MAML2: variants seen among roughly 807,000 people sequenced by gnomAD.
MAML2 encodes the protein mastermind like transcriptional coactivator 2, also known as mastermind-like protein 2.
A neutral mutation model predicts 96.1 loss-of-function variants in MAML2; 22 were observed. The observed-to-expected ratio is 0.23, with a 90% CI of 0.16 to 0.33. The LOEUF (loss-of-function observed/expected upper bound fraction) is 0.33. MAML2 is among the 10% of genes least tolerant of loss of function. The probability of loss-of-function intolerance (pLI) is 1.00; values close to 1 mark genes in which losing one functional copy is unlikely to be tolerated. For missense variants in MAML2, 1,367 were observed against 1,392.4 expected, an observed-to-expected ratio of 0.98 and a Z score of 0.29; for synonymous variants, 561 against 521.3, an observed-to-expected ratio of 1.08 and a Z score of -1.04.
At chr11:96,276,375 A>G (rs1862987977) in intron 1 of MAML2, among the ~76,000 whole-genome samples, 1 of 152,178 alleles carries the variant, frequency 6.6e-6, no homozygotes, top group African/African-American at 2.4e-5. Context: ...GCCTATAGAG[A>G]GGACAGGAAG....
At chr11:96,140,442 C>T (rs1860712413) in intron 1 of MAML2, among the ~76,000 whole-genome samples, 1 of 152,088 alleles carries the variant, frequency 6.6e-6, no homozygotes, top group Non-Finnish European at 1.5e-5. Flanking sequence ...GCCCTTCTGC[C>T]CAACATGAAC....
intron 1 of MAML2, among the ~76,000 whole-genome samples, chr11:96,200,169 C>T (rs918164187): frequency 6.6e-6 from 1 of 152,132 alleles, no homozygotes; most frequent in African/African-American, 2.4e-5. Context: ...GAAAGATTAG[C>T]CACAATAAAA....
intron 2 of MAML2, among the ~76,000 whole-genome samples, chr11:96,008,161 T>C (rs1024363315): frequency 5.9e-5 from 9 of 152,256 alleles, no homozygotes; most frequent in African/African-American, 2.2e-4. Context: ...ATTAAAACCT[T>C]GAATGTAAAT....
At chr11:96,192,259 C>A (rs1245859579) in intron 1 of MAML2, among the ~76,000 whole-genome samples, 1 of 152,164 alleles carries the variant, frequency 6.6e-6, no homozygotes, top group Non-Finnish European at 1.5e-5. Context: ...GGGAAGAATG[C>A]GATTTGCTCT....
intron 2 of MAML2, among the ~76,000 whole-genome samples, chr11:96,075,170 T>G (rs543207943): frequency 6.6e-6 from 1 of 152,302 alleles, no homozygotes; most frequent in South Asian, 2.1e-4. Flanking sequence ...ATATTTCATG[T>G]TTTCCTCCTG....
intron 1 of MAML2, among the ~76,000 whole-genome samples, chr11:96,141,762 G>A (rs1236647130): frequency 6.6e-6 from 1 of 152,230 alleles, no homozygotes; most frequent in Non-Finnish European, 1.5e-5. Context: ...GGAATCAGGA[G>A]TTTCTGTATC....
intron 1 of MAML2, among the ~76,000 whole-genome samples, chr11:96,202,489 AAT>A (rs1424289097): frequency 6.6e-6 from 1 of 152,210 alleles, no homozygotes; most frequent in Non-Finnish European, 1.5e-5. Flanking sequence ...TAATTGCTTC[AAT>A]ATAATTCTTC....
At chr11:96,224,490 C>T (rs1389235223) in intron 1 of MAML2, among the ~76,000 whole-genome samples, 1 of 152,196 alleles carries the variant, frequency 6.6e-6, no homozygotes, top group Non-Finnish European at 1.5e-5. Context: ...TGTTCTTCTT[C>T]CAAGGCCCAA....
rs1055208005 is a variant in MAML2 at position 96,252,057 on chromosome 11, G to T, written c.513+89326C>A. Among the ~76,000 whole-genome samples the T allele has an allele frequency of 2.6e-5, 4 of 152,064 alleles. No homozygotes were observed. The South Asian group carries it at 8.3e-4, about 32-fold the overall frequency. On this transcript the variant is annotated intron_variant, in intron 1 of 4. Coordinates refer to ENST00000524717, the MANE Select transcript of MAML2 (RefSeq NM_032427.4). ...AATACAAACCCTTTCAACACCAGAC[G>T]GAGTAGCAAAGACACTCCTGGTTGT...
At chr11:96,099,974 G>T (rs1381404883) in intron 1 of MAML2, among the ~76,000 whole-genome samples, 6 of 152,112 alleles carry the variant, frequency 3.9e-5, no homozygotes. Context: ...CTGAAGTCAC[G>T]AGAATGTGAA....
chr11:96,156,615 A>G lies in MAML2; in HGVS notation c.514-63098T>C, dbSNP rs187871532. Among the ~76,000 whole-genome samples the G allele has an allele frequency of 2.6e-3, 391 of 152,266 alleles. 6 individuals carry two copies. The highest frequency in any genetic ancestry group is 0.018 in the Admixed American group (276 of 15,312). Reference sequence around the variant, plus strand: ...AGCCTTTCATGCTTCATTTTTTCCAACTAGAAAAACAAGGATACTTTTCAG... The same window carrying G: ...AGCCTTTCATGCTTCATTTTTTCCAGCTAGAAAAACAAGGATACTTTTCAG... On this transcript the variant is annotated intron_variant, in intron 1 of 4. Transcript: ENST00000524717.
At chr11:96,173,106 C>T (rs189270831) in intron 1 of MAML2, among the ~76,000 whole-genome samples, 5 of 152,316 alleles carry the variant, frequency 3.3e-5, no homozygotes, top group Admixed American at 3.3e-4. Context: ...CATACTACTC[C>T]TCTTTCCCTT....
intron 2 of MAML2, among the ~76,000 whole-genome samples, chr11:96,031,858 C>T (rs1224558053): frequency 6.6e-6 from 1 of 152,028 alleles, no homozygotes; most frequent in African/African-American, 2.4e-5. Context: ...TGGTGGTGGA[C>T]ACCTGTAGTC....
chr11:95,984,803 C>T (rs1351343550), intron 4 of MAML2, among the ~76,000 whole-genome samples: 1 of 152,100 alleles, frequency 6.6e-6, no homozygotes, highest in Non-Finnish European at 1.5e-5. Context: ...AACCCAAGAG[C>T]GTAAACTTAA....
chr11:96,032,825 A>T lies in MAML2; in HGVS notation c.2140-41102T>A, dbSNP rs528134824. On this transcript the variant is annotated intron_variant, in intron 2 of 4. Transcript: ENST00000524717. ...GTATATACTGTCTGATCCCATTTAA[A>T]CAAAATTCTGTACAACACTACAGGG... Among the ~76,000 whole-genome samples the T allele has an allele frequency of 1.6e-4, 25 of 152,334 alleles. No homozygotes were observed. In the South Asian group the frequency reaches 4.6e-3, roughly 28 times the overall value.
chr11:96,331,798 A>G (rs1338367312), intron 1 of MAML2, among the ~76,000 whole-genome samples: 1 of 150,686 alleles, frequency 6.6e-6, no homozygotes, highest in Non-Finnish European at 1.5e-5. Flanking sequence ...AGCGTGGGCG[A>G]AAGAGTGAGA....
At chr11:96,103,606 T>G (rs1030031808) in intron 1 of MAML2, among the ~76,000 whole-genome samples, 4 of 152,198 alleles carry the variant, frequency 2.6e-5, no homozygotes, top group Non-Finnish European at 5.9e-5. Context: ...CATGGCAGCA[T>G]TTCTCCCTTC....
intron 1 of MAML2, among the ~76,000 whole-genome samples, chr11:96,139,902 A>G (rs1169384012): frequency 1.3e-5 from 2 of 152,204 alleles, no homozygotes; most frequent in Non-Finnish European, 2.9e-5. Context: ...TGATGCAATG[A>G]AGGCCTGGGT....
intron 2 of MAML2, among the ~76,000 whole-genome samples, chr11:95,996,726 C>G (rs868774456): frequency 3.3e-5 from 5 of 152,266 alleles, no homozygotes; most frequent in Middle Eastern, 3.4e-3. Context: ...TACAAGCTTG[C>G]TGTCATTGCC....
Sources: allele counts gnomAD v4.1 joint callset (sites outside exome capture counted in the v4.1 genomes callset), GRCh38; gene constraint gnomAD v4.1.1; transcripts MANE v1.5; gene names NCBI Gene and HGNC (gene_info 2026-07-23, HGNC 2026-07-21).